Variants in CDC42 observed in about 807,000 individuals in gnomAD.
CDC42 encodes the protein cell division control protein 42 homolog.
Under a neutral mutation model 20.8 loss-of-function variants are expected in CDC42, and 1 was observed. The observed-to-expected ratio is 0.05, with a 90% CI of 0.02 to 0.23. The LOEUF is 0.23. CDC42 is among the 10% of genes least tolerant of loss of function. CDC42 has a pLI of 1.00. For missense variants in CDC42, 49 were observed against 227.9 expected (o/e 0.21, Z 5.05); for synonymous variants, 72 against 84.8 (o/e 0.85, Z 0.83).
At chr1:22,078,259 T>C (rs1170030257) in intron 1 of CDC42, among the ~76,000 whole-genome samples, 170 bp from the exon 2 acceptor site, 1 of 152,222 alleles carries the variant, frequency 6.6e-6, no homozygotes, top group East Asian at 1.9e-4. Context: ...AAATGGACCT[T>C]ATTTGTTATT....
At chr1:22,064,351 A>G (rs1045149353) in intron 1 of CDC42, among the ~76,000 whole-genome samples, 1 of 152,150 alleles carries the variant, frequency 6.6e-6, no homozygotes, top group African/African-American at 2.4e-5. Flanking sequence ...GAGTATAATG[A>G]CATGATCTTG....
intron 3 of CDC42, among the ~76,000 whole-genome samples, chr1:22,083,801 C>T (rs991188712): frequency 6.6e-6 from 1 of 152,208 alleles, no homozygotes; most frequent in Admixed American, 6.5e-5. Context: ...CCTTTGCAGT[C>T]AGCCCTGTCC....
intron 2 of CDC42, among the ~76,000 whole-genome samples, chr1:22,079,292 C>T (rs1398115888): frequency 6.6e-6 from 1 of 152,080 alleles, no homozygotes; most frequent in South Asian, 2.1e-4. Context: ...GCGCCCGCCA[C>T]CACGCCTTTC....
intron 1 of CDC42, among the ~76,000 whole-genome samples, chr1:22,065,556 T>C (rs1645413480): frequency 6.6e-6 from 1 of 152,192 alleles, no homozygotes; most frequent in Non-Finnish European, 1.5e-5. Context: ...TAAGGTGCCA[T>C]ATTAGGTATT....
chr1:22,059,327 T>C (rs975709675), intron 1 of CDC42: 1 of 152,112 alleles, frequency 6.6e-6, no homozygotes, highest in Non-Finnish European at 1.5e-5. Flanking sequence ...TGACATTTTA[T>C]TGAAAACTAA....
intron 1 of CDC42, among the ~76,000 whole-genome samples, chr1:22,062,971 A>G (rs1453415557): frequency 1.3e-5 from 2 of 151,960 alleles, no homozygotes; most frequent in Admixed American, 6.6e-5. Context: ...TTCCTTGACT[A>G]TCTGGTTGTC....
rs1347218224 is a variant in CDC42 at position 22,099,489 on chromosome 1, T to G, written c.*7972T>G. Among the ~76,000 whole-genome samples the G allele has an allele frequency of 6.6e-6, 1 of 152,224 alleles. No homozygotes were observed. The highest frequency in any genetic ancestry group is 1.5e-5 in the Non-Finnish European group (1 of 68,038). ...ATCCTATCTGTCTGATTTTGGAAAC[T>G]GTGTGCTTACCATTACATATCTTAT... On this transcript the variant is annotated 3_prime_UTR_variant, in exon 6 of 6. Transcript: ENST00000656825.
intron 1 of CDC42, chr1:22,068,500 C>T (rs1293679452): frequency 2.6e-5 from 4 of 153,190 alleles, no homozygotes; most frequent in Non-Finnish European, 4.4e-5. Flanking sequence ...ATTTCTTCTT[C>T]ATCTGACACG....
At chr1:22,091,176 G>T (rs892794774) in intron 5 of CDC42, among the ~76,000 whole-genome samples, 2 of 152,152 alleles carry the variant, frequency 1.3e-5, no homozygotes, top group African/African-American at 4.8e-5. Flanking sequence ...GACATACATT[G>T]GTCTGCGCAA....
At chr1:22,067,389 T>C (rs764036938) in intron 1 of CDC42, among the ~76,000 whole-genome samples, 1 of 152,124 alleles carries the variant, frequency 6.6e-6, no homozygotes, top group Non-Finnish European at 1.5e-5. Flanking sequence ...AGTGGTGATC[T>C]TAGCTCACTC....
Position 22,100,849 on chromosome 1 carries a change from T to C in CDC42, c.*9332T>C, listed in dbSNP as rs1645784932. On this transcript the variant is annotated 3_prime_UTR_variant, in exon 6 of 6. Coordinates refer to ENST00000656825, the MANE Select transcript of CDC42 (RefSeq NM_001791.4). ...CCACCATGGGGCCCCAGTGCTAGCT[T>C]CTTAGCCCTCCTTTGTAAGGTTTGC... 1 of 152,194 alleles carries C rather than the reference T, an allele frequency of 6.6e-6. No individual in the cohort carries two copies. The highest frequency in any genetic ancestry group is 1.5e-5 in the Non-Finnish European group (1 of 68,022). The allele number at this position is 152,194 out of a possible 1,614,324, so 9.4% of individuals were successfully genotyped here.
At chr1:22,076,430 C>A (rs1017166087) in intron 1 of CDC42, among the ~76,000 whole-genome samples, 3 of 151,744 alleles carry the variant, frequency 2.0e-5, no homozygotes, top group Non-Finnish European at 4.4e-5. Flanking sequence ...TGCACTGACA[C>A]ATACACACAC....
rs1317582261 is a variant in CDC42, at chr1:22,096,595, C to T, written c.*5078C>T. 6.6e-6 allele frequency among the ~76,000 whole-genome samples: 1 copy of T among 152,194 alleles called. No homozygotes were observed. Among genetic ancestry groups the T allele is most frequent in the Non-Finnish European group, 1.5e-5 (1 of 68,040 alleles). On this transcript the variant is annotated 3_prime_UTR_variant, in exon 6 of 6. Transcript: ENST00000656825. ...CAAGCAGTGCAGAGATGTAAGCAGG[C>T]AGAGGTAAGGACTTTGGTCTCAATA...
chr1:22,053,946 A>C (rs1331323761), intron 1 of CDC42, among the ~76,000 whole-genome samples: 1 of 152,134 alleles, frequency 6.6e-6, no homozygotes, highest in Admixed American at 6.5e-5. Context: ...TACTAGAATG[A>C]GGTGGGTTTA....
At chr1:22,088,014 ATCT>A (rs1645678030) in intron 5 of CDC42, among the ~76,000 whole-genome samples, 1 of 152,218 alleles carries the variant, frequency 6.6e-6, no homozygotes, top group Non-Finnish European at 1.5e-5. Context: ...TTTAAACATA[ATCT>A]TCTAATCCTC....
intron 1 of CDC42, among the ~76,000 whole-genome samples, chr1:22,061,350 G>A (rs1227227357): frequency 6.7e-6 from 1 of 149,658 alleles, no homozygotes; most frequent in African/African-American, 2.5e-5. Flanking sequence ...GGAGGTTTCA[G>A]TGAGCCGAGA....
intron 5 of CDC42, among the ~76,000 whole-genome samples, chr1:22,087,891 C>T (rs1412499792): frequency 1.3e-5 from 2 of 152,012 alleles, no homozygotes; most frequent in Non-Finnish European, 2.9e-5. Flanking sequence ...GTTTATAGGG[C>T]CTAGTGCATA....
chr1:22,061,528 C>CT (rs1404317396), intron 1 of CDC42, among the ~76,000 whole-genome samples: 2 of 86,306 alleles, frequency 2.3e-5, no homozygotes, highest in South Asian at 4.1e-4. Flanking sequence ...CTTCATGTTT[C>CT]TTTCTTTTTT....
chr1:22,066,866 C>T (rs1645429843), intron 1 of CDC42, among the ~76,000 whole-genome samples: 1 of 152,118 alleles, frequency 6.6e-6, no homozygotes, highest in Non-Finnish European at 1.5e-5. Flanking sequence ...GAGTTTGAGA[C>T]CAGCTTGACC....
Sources: gnomAD v4.1 joint callset for allele counts (sites outside exome capture counted in the v4.1 genomes callset) on GRCh38, gnomAD v4.1.1 for gene constraint, MANE v1.5 for transcripts, NCBI Gene and HGNC (gene_info 2026-07-23, HGNC 2026-07-21) for gene names.